Variants in RFX4 observed in about 807,000 individuals in gnomAD.
The protein encoded by RFX4 is transcription factor RFX4.
In RFX4, 10 loss-of-function variants were observed where a neutral mutation model predicts 95.0. The ratio of observed to expected loss-of-function variants is 0.11; its 90% CI spans 0.06 to 0.18. RFX4 has a LOEUF of 0.18. RFX4 is among the 10% of genes least tolerant of loss of function. The pLI is 1.00. For synonymous variants in RFX4, 321 were observed against 340.7 expected, an observed-to-expected ratio of 0.94 and a Z score of 0.64; for missense variants, 640 against 922.0, an observed-to-expected ratio of 0.69 and a Z score of 3.96.
intron 15 of RFX4, among the ~76,000 whole-genome samples, chr12:106,738,107 A>C (rs1341363853): frequency 6.6e-6 from 1 of 152,202 alleles, no homozygotes; most frequent in Non-Finnish European, 1.5e-5. Flanking sequence ...TTGGGCAACC[A>C]TCCTGAGTCT....
At chr12:106,752,012 C>T (rs1433114265) in intron 17 of RFX4, among the ~76,000 whole-genome samples, 13 of 145,032 alleles carry the variant, frequency 9.0e-5, no homozygotes, top group African/African-American at 3.4e-4. Context: ...AGTCCTTGCC[C>T]ATGCCTATGT....
intron 7 of RFX4, among the ~76,000 whole-genome samples, chr12:106,695,800 G>T (rs527503497): frequency 2.6e-5 from 4 of 152,210 alleles, no homozygotes; most frequent in African/African-American, 9.6e-5. Flanking sequence ...TTGTGTGTGT[G>T]GCACCTACTC....
chr12:106,740,146 T>C (rs566801686), intron 15 of RFX4, among the ~76,000 whole-genome samples: 1 of 152,324 alleles, frequency 6.6e-6, no homozygotes, highest in East Asian at 1.9e-4. Flanking sequence ...AATTAAATCA[T>C]TGAGATACTA....
At chr12:106,662,414 T>C (rs975482582) in intron 4 of RFX4, among the ~76,000 whole-genome samples, 1 of 152,210 alleles carries the variant, frequency 6.6e-6, no homozygotes, top group Non-Finnish European at 1.5e-5. Context: ...TTGGGTTGTT[T>C]GTTTTCTTAT....
At chr12:106,712,815 C>A (rs12297123) in intron 10 of RFX4, among the ~76,000 whole-genome samples, 6,719 of 152,260 alleles carry the variant, frequency 0.044, 394 homozygotes, top group African/African-American at 0.14. Flanking sequence ...TCTGAGGATG[C>A]ATGCCAGCAT....
At chr12:106,673,401 A>G (rs1315077859) in intron 4 of RFX4, among the ~76,000 whole-genome samples, 1 of 152,178 alleles carries the variant, frequency 6.6e-6, no homozygotes, top group Non-Finnish European at 1.5e-5. Context: ...AAGTCCCAGG[A>G]GGCAAGCCTG....
At chr12:106,738,415 G>A (rs1240264403) in intron 15 of RFX4, among the ~76,000 whole-genome samples, 1 of 152,170 alleles carries the variant, frequency 6.6e-6, no homozygotes, top group East Asian at 1.9e-4. Context: ...TCCAGCTAGT[G>A]AGTGTGCCTG....
At chr12:106,758,041 T>G (rs1477043164) in intron 17 of RFX4, among the ~76,000 whole-genome samples, 1 of 152,232 alleles carries the variant, frequency 6.6e-6, no homozygotes, top group African/African-American at 2.4e-5. Context: ...GCATATGATT[T>G]GATCCAAAGA....
At chr12:106,747,927 T>TAAAA (rs10624179) in intron 16 of RFX4, among the ~76,000 whole-genome samples, 2 of 126,382 alleles carry the variant, frequency 1.6e-5, no homozygotes, top group African/African-American at 3.0e-5. Context: ...GACGCCGTCT[T>TAAAA]AAAAAAAAAA....
chr12:106,676,929 A>G (rs1049212570), intron 4 of RFX4, among the ~76,000 whole-genome samples: 8 of 152,224 alleles, frequency 5.3e-5, no homozygotes, highest in African/African-American at 1.9e-4. Context: ...AAGCAGTAAC[A>G]TTGCGGTGGT....
At chr12:106,636,618 T>G (rs907701825) in intron 2 of RFX4, among the ~76,000 whole-genome samples, 1 of 152,186 alleles carries the variant, frequency 6.6e-6, no homozygotes, top group Non-Finnish European at 1.5e-5. Context: ...CAAAGCATCA[T>G]GAACAAGTGT....
intron 1 of RFX4, among the ~76,000 whole-genome samples, chr12:106,597,817 G>A (rs1183601314): frequency 6.6e-6 from 1 of 152,154 alleles, no homozygotes; most frequent in Non-Finnish European, 1.5e-5. Context: ...CTATGATGGT[G>A]CCACTGCATC....
chr12:106,760,329 G>C (rs2043187872), intron 17 of RFX4, among the ~76,000 whole-genome samples: 1 of 152,124 alleles, frequency 6.6e-6, no homozygotes, highest in African/African-American at 2.4e-5. Context: ...CTACTAACGG[G>C]CTTATTTGCA....
At chr12:106,608,120 C>T (rs889355411) in intron 1 of RFX4, among the ~76,000 whole-genome samples, 1 of 151,984 alleles carries the variant, frequency 6.6e-6, no homozygotes, top group Non-Finnish European at 1.5e-5. Flanking sequence ...GCCCGGGAGG[C>T]GGAGGTTGCA....
intron 4 of RFX4, 50 bp downstream of exon 4, chr12:106,654,401 T>A (rs769441290): frequency 6.3e-7 from 1 of 1,577,810 alleles, no homozygotes; most frequent in South Asian, 1.2e-5. Context: ...CAACTTTAAG[T>A]AATTTATGCA....
chr12:106,696,388 C>T lies in RFX4; in HGVS notation c.775C>T (p.Leu259Phe), dbSNP rs1318219733. ...CATTGTCGGCGTGTGTGACTCCATC[C>T]TCTACAAAGCTATCTCCGGGGTGCT... The part of the protein sequence containing the change: ...VNIVGVCDSI[L>F]YKAISGVLMP... Residue 259 changes from leucine (L) to phenylalanine (F), a missense_variant, in exon 8 of 18, where the codon CTC becomes TTC. Around this residue, in one of 7 missense-constraint regions of RFX4, gnomAD observed 96 missense variants for 183.7 expected, o/e 0.52. Coordinates refer to ENST00000392842, the MANE Select transcript of RFX4 (RefSeq NM_213594.3). 1.2e-6 allele frequency: 2 copies of T among 1,614,050 alleles called. No homozygotes were observed. The highest frequency in any genetic ancestry group is 1.7e-6 in the Non-Finnish European group (2 of 1,180,022).
chr12:106,629,552 C>T (rs1034080546), intron 2 of RFX4, among the ~76,000 whole-genome samples: 2 of 152,138 alleles, frequency 1.3e-5, no homozygotes, highest in African/African-American at 4.8e-5. Flanking sequence ...GTAATCGTGG[C>T]TCACTGCAGC....
intron 1 of RFX4, chr12:106,601,050 A>G (rs1213767814): frequency 3.6e-6 from 4 of 1,120,552 alleles, no homozygotes; most frequent in African/African-American, 3.1e-5. Flanking sequence ...CTAAATCAAT[A>G]TTTGGTAAAT....
At chr12:106,722,589 A>G (rs1252411706) in intron 13 of RFX4, among the ~76,000 whole-genome samples, 1 of 152,206 alleles carries the variant, frequency 6.6e-6, no homozygotes, top group African/African-American at 2.4e-5. Flanking sequence ...TATACTGGAA[A>G]CTCAGGCAAA....
Sources: allele counts gnomAD v4.1 joint callset (sites outside exome capture counted in the v4.1 genomes callset), GRCh38; gene constraint gnomAD v4.1.1; regional missense constraint gnomAD v4.1.1; transcripts MANE v1.5; gene names NCBI Gene and HGNC (gene_info 2026-07-23, HGNC 2026-07-21).